Variants in KCNIP1 observed in about 807,000 individuals in gnomAD.
The protein encoded by KCNIP1 is A-type potassium channel modulatory protein KCNIP1.
In KCNIP1, 18 loss-of-function variants were observed where a neutral mutation model predicts 33.0. That is an observed-to-expected ratio of 0.55 (90% CI 0.38 to 0.81). The LOEUF (loss-of-function observed/expected upper bound fraction) is 0.81, where lower values mean the gene tolerates loss of function less well. Ranked by LOEUF, KCNIP1 falls within the 30% of genes least tolerant of loss-of-function variation. KCNIP1 has a pLI of 0.00. For missense variants in KCNIP1, 238 were observed against 271.6 expected (o/e 0.88, Z 0.87); for synonymous variants, 93 against 98.3 (o/e 0.95, Z 0.32).
intron 1 of KCNIP1, among the ~76,000 whole-genome samples, chr5:170,709,197 C>G (rs530740614): frequency 6.6e-6 from 1 of 152,138 alleles, no homozygotes; most frequent in East Asian, 1.9e-4. Context: ...TCTTCTATAC[C>G]CCTATTGATT....
intron 1 of KCNIP1, among the ~76,000 whole-genome samples, chr5:170,392,194 C>CCCCGG (rs777129853): frequency 1.2e-4 from 18 of 152,282 alleles, no homozygotes; most frequent in African/African-American, 3.8e-4. Context: ...TAGCAAATCT[C>CCCCGG]ACCGGGCATG....
chr5:170,483,770 A>C (rs761159560), intron 1 of KCNIP1: 1 of 152,194 alleles, frequency 6.6e-6, no homozygotes, highest in South Asian at 2.1e-4. Flanking sequence ...AATAGGTGCA[A>C]ATAGGTTCAT....
chr5:170,446,315 T>A (rs1373632490), intron 1 of KCNIP1, among the ~76,000 whole-genome samples: 1 of 152,112 alleles, frequency 6.6e-6, no homozygotes, highest in Non-Finnish European at 1.5e-5. Context: ...GACTCTTACA[T>A]AGGCTATGTG....
chr5:170,502,617 G>C (rs1278764833), upstream of KCNIP1, among the ~76,000 whole-genome samples: 1 of 152,214 alleles, frequency 6.6e-6, no homozygotes, highest in Non-Finnish European at 1.5e-5. Flanking sequence ...CAATAGCAAT[G>C]TCTGTGCGGA....
At chr5:170,488,611 G>C (rs1757143930) in intron 1 of KCNIP1, among the ~76,000 whole-genome samples, 1 of 152,262 alleles carries the variant, frequency 6.6e-6, no homozygotes, top group African/African-American at 2.4e-5. Context: ...GCTCCCAGCA[G>C]CGGGTGTTCA....
At chr5:170,433,787 T>A (rs543418946) in intron 1 of KCNIP1, among the ~76,000 whole-genome samples, 39 of 152,340 alleles carry the variant, frequency 2.6e-4, no homozygotes, top group African/African-American at 9.1e-4. Flanking sequence ...ATTTAACGTT[T>A]ACCGAAACCC....
At chr5:170,390,517 A>AAAAAAAAAAAAAAAAAAAATATATATAT in intron 1 of KCNIP1, among the ~76,000 whole-genome samples, 4 of 74,536 alleles carry the variant, frequency 5.4e-5, no homozygotes, top group African/African-American at 1.9e-4. Context: ...AAAAAAAACA[A>AAAAAAAAAAAAAAAAAAAATATATATAT]ATATATATAT....
intron 1 of KCNIP1, among the ~76,000 whole-genome samples, chr5:170,573,542 T>C (rs571289472): frequency 2.0e-5 from 3 of 152,328 alleles, no homozygotes; most frequent in Non-Finnish European, 2.9e-5. Context: ...ACCATCTATG[T>C]TGGGGGTCCA....
intron 5 of KCNIP1, among the ~76,000 whole-genome samples, chr5:170,724,107 C>G (rs1043246326): frequency 6.6e-6 from 1 of 152,114 alleles, no homozygotes; most frequent in Non-Finnish European, 1.5e-5. Flanking sequence ...TAAAAAGAAT[C>G]AGAAAATCTG....
chr5:170,459,576 C>T (rs1024839122), intron 1 of KCNIP1, among the ~76,000 whole-genome samples: 1 of 152,100 alleles, frequency 6.6e-6, no homozygotes, highest in Non-Finnish European at 1.5e-5. Flanking sequence ...ATTAAATAAC[C>T]TGCTCCTGAA....
intron 1 of KCNIP1, among the ~76,000 whole-genome samples, chr5:170,477,126 T>C (rs1336992595): frequency 6.6e-6 from 1 of 152,102 alleles, no homozygotes; most frequent in African/African-American, 2.4e-5. Context: ...CTCAAAAAAG[T>C]AGAAGTAAGT....
At chr5:170,599,227 T>A (rs1268677144) in intron 1 of KCNIP1, among the ~76,000 whole-genome samples, 1 of 152,050 alleles carries the variant, frequency 6.6e-6, no homozygotes, top group African/African-American at 2.4e-5. Flanking sequence ...TAAAACAAAC[T>A]ACTAGGCATA....
chr5:170,697,344 C>A (rs1246260301), intron 1 of KCNIP1, among the ~76,000 whole-genome samples: 1 of 152,182 alleles, frequency 6.6e-6, no homozygotes, highest in Non-Finnish European at 1.5e-5. Flanking sequence ...GGAACAAGGA[C>A]CACACCTGTC....
At position 170,598,903 on chromosome 5, in the gene KCNIP1, G is replaced by A. The variant is rs1458209504; in HGVS notation, c.61+94270G>A. On this transcript the variant is annotated intron_variant, in intron 1 of 7. Transcript: ENST00000328939. ...CCATAGCCCCGCTGTGTGTGTGTGC[G>A]CGTGTGTGTGTGTGTGTGTGTGTGT... 4.5e-5 allele frequency among the ~76,000 whole-genome samples: 4 copies of A among 89,624 alleles called. No homozygotes were observed. The South Asian group carries it at 1.3e-3, about 30-fold the overall frequency. 58.8% of individuals were successfully genotyped at this position (89,624 alleles called of 152,430 possible).
intron 1 of KCNIP1, among the ~76,000 whole-genome samples, chr5:170,387,266 T>C (rs1034280298): frequency 6.6e-6 from 1 of 152,078 alleles, no homozygotes; most frequent in African/African-American, 2.4e-5. Flanking sequence ...AATAAACATA[T>C]TATGGTTTTT....
At chr5:170,445,657 GC>G (rs1346644493) in intron 1 of KCNIP1, among the ~76,000 whole-genome samples, 1 of 152,200 alleles carries the variant, frequency 6.6e-6, no homozygotes, top group East Asian at 1.9e-4. Flanking sequence ...GGAGAGAGCA[GC>G]TCGCCTCCTT....
intron 1 of KCNIP1, among the ~76,000 whole-genome samples, chr5:170,456,725 C>CT (rs750736509): frequency 9.0e-5 from 13 of 144,358 alleles, no homozygotes; most frequent in South Asian, 2.2e-4. Flanking sequence ...TTCTTTCTTT[C>CT]TTGTTTCTTT....
chr5:170,586,763 G>A (rs1465885731), intron 1 of KCNIP1, among the ~76,000 whole-genome samples: 1 of 152,234 alleles, frequency 6.6e-6, no homozygotes, highest in Non-Finnish European at 1.5e-5. Context: ...CCAACTTACA[G>A]ATCACCACTC....
intron 1 of KCNIP1, among the ~76,000 whole-genome samples, chr5:170,458,219 G>C (rs1409533862): frequency 6.6e-6 from 1 of 152,170 alleles, no homozygotes; most frequent in Non-Finnish European, 1.5e-5. Flanking sequence ...CCAAACCTAA[G>C]AATAATTGGC....
Sources: allele counts gnomAD v4.1 joint callset (sites outside exome capture counted in the v4.1 genomes callset), GRCh38; gene constraint gnomAD v4.1.1; transcripts MANE v1.5; gene names NCBI Gene and HGNC (gene_info 2026-07-23, HGNC 2026-07-21).